RGS7: variants seen among roughly 807,000 people sequenced by gnomAD.
RGS7 encodes the protein regulator of G protein signaling 7.
A neutral mutation model predicts 81.1 loss-of-function variants in RGS7; 27 were observed. That is an observed-to-expected ratio of 0.33 (90% confidence interval 0.25 to 0.46). RGS7 has a LOEUF of 0.46. Among genes scored for constraint, RGS7 ranks in the 20% least tolerant of loss-of-function variants. The probability of loss-of-function intolerance (pLI) is 1.00; values close to 1 mark genes in which losing one functional copy is unlikely to be tolerated. For missense variants in RGS7, 396 were observed against 607.4 expected, an observed-to-expected ratio of 0.65 and a Z score of 3.66; for synonymous variants, 208 against 207.7, an observed-to-expected ratio of 1.00 and a Z score of -0.01.
At chr1:240,862,375 T>C (rs1229418094) in intron 9 of RGS7, among the ~76,000 whole-genome samples, 2 of 152,248 alleles carry the variant, frequency 1.3e-5, no homozygotes, top group African/African-American at 2.4e-5. Context: ...TTAAAGATTC[T>C]GAACTGTTAT....
intron 2 of RGS7, among the ~76,000 whole-genome samples, chr1:241,346,994 C>A (rs2082935193): frequency 6.6e-6 from 1 of 152,120 alleles, no homozygotes; most frequent in Non-Finnish European, 1.5e-5. Context: ...ACCAAATTTT[C>A]TTCAAAATCC....
intron 3 of RGS7, among the ~76,000 whole-genome samples, chr1:241,081,244 C>CT (rs200484847): frequency 2.1e-3 from 327 of 152,348 alleles, no homozygotes; most frequent in African/African-American, 7.4e-3. Flanking sequence ...ATGTTCTCAT[C>CT]TTTTTTTCTT....
intron 2 of RGS7, among the ~76,000 whole-genome samples, chr1:241,290,546 G>A (rs756992733): frequency 1.3e-5 from 2 of 152,134 alleles, no homozygotes; most frequent in Non-Finnish European, 2.9e-5. Context: ...CTCATTTCAA[G>A]TTAGGTTGCT....
chr1:240,833,246 C>T (rs927469855), intron 9 of RGS7, among the ~76,000 whole-genome samples: 1 of 152,102 alleles, frequency 6.6e-6, no homozygotes, highest in Non-Finnish European at 1.5e-5. Context: ...CCACAGACAG[C>T]GTGGATCTGC....
At chr1:241,285,394 T>G (rs1465688997) in intron 2 of RGS7, among the ~76,000 whole-genome samples, 1 of 152,222 alleles carries the variant, frequency 6.6e-6, no homozygotes, top group East Asian at 1.9e-4. Context: ...TCTTCTTTCA[T>G]GGCCTCCCTA....
intron 2 of RGS7, among the ~76,000 whole-genome samples, chr1:241,181,501 C>T (rs186333962): frequency 2.0e-3 from 300 of 152,232 alleles, no homozygotes; most frequent in African/African-American, 6.9e-3. Context: ...CAATAAATGC[C>T]AGCTATTACT....
intron 2 of RGS7, among the ~76,000 whole-genome samples, chr1:241,131,704 T>A (rs533343131): frequency 1.4e-4 from 22 of 152,306 alleles, no homozygotes; most frequent in Middle Eastern, 3.4e-3. Flanking sequence ...CCTCTTTCCT[T>A]TTTACTATTC....
intron 2 of RGS7, among the ~76,000 whole-genome samples, chr1:241,142,832 A>T (rs2068032005): frequency 6.6e-6 from 1 of 152,158 alleles, no homozygotes; most frequent in South Asian, 2.1e-4. Context: ...CTTTTCTATC[A>T]TGTTGTCAAG....
chr1:240,966,079 C>A (rs573903325), intron 4 of RGS7, among the ~76,000 whole-genome samples: 2 of 152,256 alleles, frequency 1.3e-5, no homozygotes, highest in Admixed American at 6.5e-5. Context: ...GATGCAACCA[C>A]CTACCATCTT....
intron 3 of RGS7, among the ~76,000 whole-genome samples, chr1:241,082,951 G>T (rs1485148317): frequency 6.6e-6 from 1 of 152,164 alleles, no homozygotes; most frequent in East Asian, 1.9e-4. Context: ...TAGGCTGGGT[G>T]CAGTGGCTCA....
intron 6 of RGS7, among the ~76,000 whole-genome samples, chr1:240,929,723 G>A (rs1416539925): frequency 6.6e-6 from 1 of 152,080 alleles, no homozygotes; most frequent in African/African-American, 2.4e-5. Flanking sequence ...TACCTCAAAC[G>A]CTTGCCCTGC....
In RGS7 at chr1:241,126,145, T is replaced by TTTA. The variant is rs562582758; in HGVS notation, c.79-27386_79-27384dup. Reference sequence around the variant, plus strand: ...TTTCCCATTTATATTTATTTATTTATTTATTATTATTATTATTATTTTGAG... The same window carrying TTTA: ...TTTCCCATTTATATTTATTTATTTATTTATTATTATTATTATTATTATTTTGAG... On this transcript the variant is annotated intron_variant, in intron 2 of 18. Transcript: ENST00000440928. 7.2e-3 allele frequency among the ~76,000 whole-genome samples: 1,081 copies of TTTA among 151,100 alleles called. 23 individuals carry two copies. The highest frequency in any genetic ancestry group is 0.025 in the African/African-American group (1,034 of 41,286).
chr1:241,290,494 C>T (rs974448677), intron 2 of RGS7, among the ~76,000 whole-genome samples: 4 of 152,156 alleles, frequency 2.6e-5, no homozygotes, highest in African/African-American at 9.7e-5. Context: ...TCATTCGTTT[C>T]ATTTTTCTTT....
chr1:240,916,753 C>A (rs1485028681), intron 6 of RGS7, among the ~76,000 whole-genome samples: 1 of 152,182 alleles, frequency 6.6e-6, no homozygotes, highest in African/African-American at 2.4e-5. Context: ...CCTGCCAGCA[C>A]CTTGTTCTTG....
intron 2 of RGS7, among the ~76,000 whole-genome samples, chr1:241,217,249 C>CTATG (rs1372814153): frequency 1.3e-5 from 2 of 152,118 alleles, no homozygotes; most frequent in Non-Finnish European, 2.9e-5. Flanking sequence ...AGGCCACCTG[C>CTATG]TATGAGCCAG....
At chr1:240,909,645 A>G (rs1190241426) in intron 6 of RGS7, among the ~76,000 whole-genome samples, 4 of 152,242 alleles carry the variant, frequency 2.6e-5, no homozygotes. Flanking sequence ...AAAGGGCTGG[A>G]CTACGACAGA....
chr1:241,026,356 G>A (rs2059781641), intron 3 of RGS7, among the ~76,000 whole-genome samples: 1 of 152,164 alleles, frequency 6.6e-6, no homozygotes, highest in Admixed American at 6.5e-5. Flanking sequence ...GGGAAGCCGA[G>A]GCGGGTGGAT....
chr1:240,941,114 C>G lies in RGS7; in HGVS notation c.227-4408G>C, dbSNP rs374484756. Reference sequence around the variant, plus strand: ...AAAATTTGTTTTGATACTTTTGCATCATGTCATGAATTTAGTAGAAATATA... The same window carrying G: ...AAAATTTGTTTTGATACTTTTGCATGATGTCATGAATTTAGTAGAAATATA... On this transcript the variant is annotated intron_variant, in intron 4 of 18. Transcript: ENST00000440928. Among the ~76,000 whole-genome samples, 11 of 152,216 alleles carry G rather than the reference C, an allele frequency of 7.2e-5. No individual in the cohort carries two copies. In the East Asian group the frequency reaches 2.1e-3, roughly 29 times the overall value.
chr1:241,093,214 T>C (rs115628221), intron 3 of RGS7, among the ~76,000 whole-genome samples: 5,735 of 152,266 alleles, frequency 0.038, 167 homozygotes, highest in East Asian at 0.075. Context: ...GATACTATTA[T>C]ACTCAAACTT....
Sources: gnomAD v4.1 joint callset for allele counts (sites outside exome capture counted in the v4.1 genomes callset) on GRCh38, gnomAD v4.1.1 for gene constraint, MANE v1.5 for transcripts, NCBI Gene and HGNC (gene_info 2026-07-23, HGNC 2026-07-21) for gene names.